The following GLIPR1L1 variants were observed in gnomAD, a reference collection of about 807,000 sequenced individuals.
GLIPR1L1 encodes GLIPR1-like protein 1.
Under a neutral mutation model 29.9 loss-of-function variants are expected in GLIPR1L1, and 26 were observed. That is an observed-to-expected ratio of 0.87 (90% CI 0.64 to 1.21). GLIPR1L1 has a LOEUF of 1.21. GLIPR1L1 is among the 50% of genes most tolerant of loss of function. The pLI is 0.00. For missense variants in GLIPR1L1, 305 were observed against 290.3 expected, an observed-to-expected ratio of 1.05 and a Z score of -0.37; for synonymous variants, 77 against 97.5, an observed-to-expected ratio of 0.79 and a Z score of 1.24.
intron 3 of GLIPR1L1, among the ~76,000 whole-genome samples, chr12:75,358,678 A>C (rs2139546721): frequency 6.8e-6 from 1 of 147,998 alleles, no homozygotes; most frequent in Non-Finnish European, 1.5e-5. Context: ...ATTTTGTTAC[A>C]TATTTGTGTT....
intron 3 of GLIPR1L1, among the ~76,000 whole-genome samples, chr12:75,350,967 C>T (rs1202513860): frequency 6.6e-6 from 1 of 152,166 alleles, no homozygotes; most frequent in East Asian, 1.9e-4. Context: ...ATTACAGGAG[C>T]TGTTAACCAG....
intron 3 of GLIPR1L1, among the ~76,000 whole-genome samples, chr12:75,356,018 T>C (rs2043134967): frequency 6.6e-6 from 1 of 152,100 alleles, no homozygotes; most frequent in Non-Finnish European, 1.5e-5. Flanking sequence ...CAAAAATAGC[T>C]AACGCATGCT....
intron 3 of GLIPR1L1, among the ~76,000 whole-genome samples, chr12:75,356,512 C>T (rs1471792872): frequency 6.6e-6 from 1 of 152,002 alleles, no homozygotes; most frequent in Non-Finnish European, 1.5e-5. Context: ...ACTATAAATT[C>T]TAAAGTAACT....
chr12:75,361,389 C>T (rs2043580312), intron 3 of GLIPR1L1, among the ~76,000 whole-genome samples: 1 of 152,164 alleles, frequency 6.6e-6, no homozygotes, highest in South Asian at 2.1e-4. Flanking sequence ...TGTAGCTTGG[C>T]TTTCAGGTTT....
intron 3 of GLIPR1L1, among the ~76,000 whole-genome samples, chr12:75,350,779 G>A (rs1018694403): frequency 2.0e-5 from 3 of 152,192 alleles, no homozygotes; most frequent in Admixed American, 6.5e-5. Flanking sequence ...AAAAGCCAGA[G>A]TGTCTCTTCA....
At chr12:75,336,509 A>G (rs931880441) in intron 1 of GLIPR1L1, among the ~76,000 whole-genome samples, 2 of 151,862 alleles carry the variant, frequency 1.3e-5, no homozygotes, top group African/African-American at 4.8e-5. Context: ...TAGAATAGCT[A>G]TATTTATGGC....
At chr12:75,335,593 A>G (rs780835088) in intron 1 of GLIPR1L1, among the ~76,000 whole-genome samples, 5 of 152,154 alleles carry the variant, frequency 3.3e-5, no homozygotes, top group Non-Finnish European at 5.9e-5. Context: ...ACTCATATCT[A>G]TTCCAGCTTT....
At chr12:75,358,102 T>C (rs1300845578) in intron 3 of GLIPR1L1, among the ~76,000 whole-genome samples, 1 of 151,176 alleles carries the variant, frequency 6.6e-6, no homozygotes, top group Non-Finnish European at 1.5e-5. Context: ...CTGCAAACCA[T>C]ACTGATCAAA....
rs2044287549 is a variant in GLIPR1L1, at chr12:75,370,451, T to G, written c.*275T>G. On this transcript the variant is annotated 3_prime_UTR_variant, in exon 6 of 6. Coordinates refer to ENST00000378695, the MANE Select transcript of GLIPR1L1 (RefSeq NM_001304964.2). ...TTTCTAATGAGAATGGATTATCATT[T>G]TAGTTATAGTACATTTAGAGAACTA... 4.1e-6 allele frequency: 1 copy of G among 244,294 alleles called. No individual in the cohort carries two copies. Among genetic ancestry groups the G allele is most frequent in the South Asian group, 1.0e-4 (1 of 9,750 alleles). 15.1% of individuals were successfully genotyped at this position (244,294 alleles called of 1,614,324 possible).
intron 3 of GLIPR1L1, among the ~76,000 whole-genome samples, chr12:75,351,065 T>C (rs1389132463): frequency 2.0e-5 from 3 of 152,140 alleles, no homozygotes; most frequent in African/African-American, 7.2e-5. Flanking sequence ...CAAGTATCAA[T>C]ATCCAAACAG....
chr12:75,350,484 A>C (rs1223849730), intron 3 of GLIPR1L1, among the ~76,000 whole-genome samples: 2 of 152,186 alleles, frequency 1.3e-5, no homozygotes, highest in African/African-American at 2.4e-5. Flanking sequence ...CAGAATGCCC[A>C]GTGGAAAGAT....
intron 3 of GLIPR1L1, chr12:75,360,944 C>T (rs2043543325): frequency 6.6e-6 from 1 of 152,184 alleles, no homozygotes; most frequent in African/African-American, 2.4e-5. Flanking sequence ...AACACTGTTG[C>T]AGTCTTTCTT....
rs138853325 is a variant in GLIPR1L1, at chr12:75,355,490, T to G, written c.522-7612T>G. On this transcript the variant is annotated intron_variant, in intron 3 of 5. Coordinates refer to ENST00000378695, the MANE Select transcript of GLIPR1L1 (RefSeq NM_001304964.2). ...GAAACAACAGATGCTGGTGAGGTTG[T>G]GGAGAAATAGGAACGTTTTTACACT... 6.6e-5 allele frequency among the ~76,000 whole-genome samples: 10 copies of G among 152,220 alleles called. No homozygotes were observed. In the East Asian group the frequency reaches 1.9e-3, roughly 29 times the overall value.
At position 75,345,907 on chromosome 12, in the gene GLIPR1L1, T is replaced by C. The variant is rs547406711; in HGVS notation, c.421-1715T>C. 3.9e-5 allele frequency among the ~76,000 whole-genome samples: 6 copies of C among 152,346 alleles called. No individual in the cohort carries two copies. In the South Asian group the frequency reaches 1.0e-3, roughly 26 times the overall value. On this transcript the variant is annotated intron_variant, in intron 2 of 5. Coordinates refer to ENST00000378695, the MANE Select transcript of GLIPR1L1 (RefSeq NM_001304964.2). ...ATCAGAAAGGGGAGCTTACTCTTTA[T>C]TGGCTAGTTTACACACAAGGTTAAG... is the stretch of plus-strand genomic sequence containing the variant.
At chr12:75,343,558 C>A in intron 1 of GLIPR1L1, 135 bp from the exon 2 acceptor site, 1 of 685,322 alleles carries the variant, frequency 1.5e-6, no homozygotes, top group Non-Finnish European at 2.4e-6. Context: ...TAACTATGCA[C>A]ATAATAAATA....
chr12:75,338,786 T>G (rs2041906275), intron 1 of GLIPR1L1, among the ~76,000 whole-genome samples: 1 of 152,142 alleles, frequency 6.6e-6, no homozygotes, highest in East Asian at 1.9e-4. Flanking sequence ...CAATGTGTGT[T>G]GATCCCCCCA....
chr12:75,360,691 C>CT (rs2043519689), intron 3 of GLIPR1L1: 1 of 152,228 alleles, frequency 6.6e-6, no homozygotes, highest in Non-Finnish European at 1.5e-5. Flanking sequence ...ATCTACCATT[C>CT]TGAGGTCTGG....
At chr12:75,347,205 G>T (rs1173081316) in intron 2 of GLIPR1L1, among the ~76,000 whole-genome samples, 3 of 152,012 alleles carry the variant, frequency 2.0e-5, no homozygotes, top group South Asian at 2.1e-4. Flanking sequence ...AATTTAAGAT[G>T]TAATTTGTAA....
intron 3 of GLIPR1L1, among the ~76,000 whole-genome samples, chr12:75,351,196 T>G (rs1440701946): frequency 1.3e-5 from 2 of 152,124 alleles, no homozygotes; most frequent in Non-Finnish European, 2.9e-5. Flanking sequence ...TATGTAAGAT[T>G]GAACCTATGA....
Sources: allele counts gnomAD v4.1 joint callset (sites outside exome capture counted in the v4.1 genomes callset), GRCh38; gene constraint gnomAD v4.1.1; transcripts MANE v1.5; gene names NCBI Gene and HGNC (gene_info 2026-07-23, HGNC 2026-07-21).